Variants in ARMCX4 observed in about 807,000 individuals in gnomAD.
ARMCX4 encodes armadillo repeat containing X-linked 4.
Under a neutral mutation model 34.7 loss-of-function variants are expected in ARMCX4, and 3 were observed. The observed-to-expected ratio is 0.09, with a 90% CI of 0.04 to 0.22. The LOEUF (loss-of-function observed/expected upper bound fraction) is 0.22, where lower values mean the gene tolerates loss of function less well. Among genes scored for constraint, ARMCX4 ranks in the 10% least tolerant of loss-of-function variants. The pLI, the probability that ARMCX4 is intolerant of heterozygous loss-of-function variation, is 1.00. For synonymous variants in ARMCX4, 513 were observed against 632.8 expected (o/e 0.81, Z 2.84); for missense variants, 1,448 against 1,720.8 (o/e 0.84, Z 2.81).
In ARMCX4 at chrX:101,485,478, C is replaced by T; in HGVS notation, c.-489C>T. On this transcript the variant is annotated 5_prime_UTR_variant, in exon 1 of 6. Coordinates refer to ENST00000423738, the MANE Select transcript of ARMCX4 (RefSeq NM_001256155.3). ...GTCACTCGCATCTGGCTACCAGCTC[C>T]CCGCTGCCCTGCGCTCGGCGGGCTG... The T allele has an allele frequency of 1.4e-6, 1 of 702,500 alleles. No individual in the cohort carries two copies. The highest frequency in any genetic ancestry group is 1.7e-6 in the Non-Finnish European group (1 of 591,637). 57.9% of individuals were successfully genotyped at this position (702,500 alleles called of 1,213,427 possible).
rs181607731 is a variant in ARMCX4, at chrX:101,434,587, G to C, written n.165-9465G>C. ...TAAAAAACATCAAAATGAGTATAGG[G>C]TGGGAAGGGACTAACATTTTTTTTT... On this transcript the variant is annotated intron_variant and non_coding_transcript_variant, in intron 2 of 3. Transcript: ENST00000430461. Among the ~76,000 whole-genome samples the C allele has an allele frequency of 2.8e-3, 314 of 111,113 alleles. 1 individual carries two copies. The highest frequency in any genetic ancestry group is 9.7e-3 in the African/African-American group (298 of 30,672).
At chrX:101,468,319 C>T (rs1354867977) in intron 4 of ARMCX4, among the ~76,000 whole-genome samples, 1 of 109,483 alleles carries the variant, frequency 9.1e-6, no homozygotes, top group Non-Finnish European at 1.9e-5. Flanking sequence ...GAGACAGGGT[C>T]TCATTCTGTC....
intron 11 of ARMCX4, among the ~76,000 whole-genome samples, chrX:101,524,930 T>A (rs1934932573): frequency 9.0e-6 from 1 of 111,618 alleles, no homozygotes; most frequent in Non-Finnish European, 1.9e-5. Flanking sequence ...GTCTGACAGT[T>A]TTGAAGTGTG....
At chrX:101,512,980 AAAGTT>A (rs1384228040) in intron 11 of ARMCX4, among the ~76,000 whole-genome samples, 3 of 108,370 alleles carry the variant, frequency 2.8e-5, no homozygotes, top group Non-Finnish European at 5.7e-5. Context: ...GGCAGGCTGA[AAAGTT>A]AGGTAAGAGT....
intron 4 of ARMCX4, among the ~76,000 whole-genome samples, chrX:101,467,383 T>G (rs782802369): frequency 2.7e-5 from 3 of 111,967 alleles, no homozygotes; most frequent in Non-Finnish European, 5.6e-5. Context: ...ACTCCTGGCT[T>G]CAAGTGATCT....
chrX:101,472,850 A>T (rs1432252813), intron 4 of ARMCX4, among the ~76,000 whole-genome samples: 1 of 95,721 alleles, frequency 1.0e-5, no homozygotes, highest in Non-Finnish European at 2.0e-5. Context: ...CCGCTGCAAA[A>T]TCATGCCAAA....
chrX:101,488,320 GC>G (rs1195266955), intron 5 of ARMCX4, 123 bp from the exon 6 acceptor site: 1 of 620,450 alleles, frequency 1.6e-6, no homozygotes. Flanking sequence ...TGGAGAGGCT[GC>G]TAATCATCCT....
chrX:101,436,944 C>T (rs1375057709), intron 2 of ARMCX4, among the ~76,000 whole-genome samples: 6 of 111,793 alleles, frequency 5.4e-5, no homozygotes, highest in African/African-American at 9.7e-5. Flanking sequence ...TGCTCGATTA[C>T]GTTTATTGAT....
At chrX:101,460,252 G>T (rs1256512744) in intron 4 of ARMCX4, among the ~76,000 whole-genome samples, 1 of 112,081 alleles carries the variant, frequency 8.9e-6, no homozygotes, top group Non-Finnish European at 1.9e-5. Flanking sequence ...CAGGCAGGGG[G>T]TGACACTATA....
chrX:101,535,926 A>C (rs1417561319), downstream of ARMCX4, among the ~76,000 whole-genome samples: 1 of 111,597 alleles, frequency 9.0e-6, no homozygotes, highest in Non-Finnish European at 1.9e-5. Context: ...TCTGCCTCTG[A>C]AATGTATTCT....
intron 11 of ARMCX4, among the ~76,000 whole-genome samples, chrX:101,523,521 G>A (rs782028217): frequency 8.9e-6 from 1 of 112,077 alleles, no homozygotes; most frequent in Non-Finnish European, 1.9e-5. Context: ...CAAAACCTAA[G>A]TAGCCAGGCT....
chrX:101,423,275 C>T (rs2147508581), intron 2 of ARMCX4, among the ~76,000 whole-genome samples: 1 of 110,403 alleles, frequency 9.1e-6, no homozygotes, highest in African/African-American at 3.3e-5. Context: ...TCTTCATCCT[C>T]ATTTTCGCGA....
At chrX:101,526,017 A>G (rs782040154) in intron 11 of ARMCX4, among the ~76,000 whole-genome samples, 5 of 111,164 alleles carry the variant, frequency 4.5e-5, no homozygotes, top group African/African-American at 1.6e-4. Context: ...GAGCAACCCC[A>G]AGACACATAA....
chrX:101,503,228 T>C (rs1195340897), intron 7 of ARMCX4, among the ~76,000 whole-genome samples: 1 of 110,798 alleles, frequency 9.0e-6, no homozygotes, highest in African/African-American at 3.3e-5. Context: ...CTATTGTGAA[T>C]AGTGTTGCAA....
At chrX:101,419,924 C>T (rs1306537905) in intron 2 of ARMCX4, among the ~76,000 whole-genome samples, 3 of 112,092 alleles carry the variant, frequency 2.7e-5, no homozygotes, top group Non-Finnish European at 5.6e-5. Context: ...AGTCTCTTTT[C>T]CTCTATTATA....
chrX:101,451,601 C>T (rs1490892426), downstream of ARMCX4, among the ~76,000 whole-genome samples: 2 of 110,775 alleles, frequency 1.8e-5, no homozygotes, highest in Admixed American at 1.9e-4. Flanking sequence ...TTTGGTGTTC[C>T]TGTTGGGGAG....
intron 2 of ARMCX4, among the ~76,000 whole-genome samples, chrX:101,425,975 A>C (rs1380501160): frequency 1.8e-5 from 2 of 110,253 alleles, no homozygotes; most frequent in Admixed American, 2.0e-4. Flanking sequence ...TGCGCACACC[A>C]CCACGCTGGG....
At chrX:101,437,106 C>CT (rs1334555636) in intron 2 of ARMCX4, among the ~76,000 whole-genome samples, 1 of 111,448 alleles carries the variant, frequency 9.0e-6, no homozygotes, top group Non-Finnish European at 1.9e-5. Flanking sequence ...CTAAAATTCT[C>CT]TTTTTTTGTT....
intron 2 of ARMCX4, among the ~76,000 whole-genome samples, chrX:101,438,004 T>C (rs1930926188): frequency 8.9e-6 from 1 of 112,030 alleles, no homozygotes; most frequent in Admixed American, 9.5e-5. Flanking sequence ...CACTGTGGTC[T>C]GAGAGACAGA....
Sources: allele counts gnomAD v4.1 joint callset (sites outside exome capture counted in the v4.1 genomes callset), GRCh38; gene constraint gnomAD v4.1.1; transcripts MANE v1.5; gene names NCBI Gene and HGNC (gene_info 2026-07-23, HGNC 2026-07-21).